TUBA3C: variants seen among roughly 807,000 people sequenced by gnomAD.
The protein encoded by TUBA3C is tubulin alpha-3C chain.
Under a neutral mutation model 33.4 loss-of-function variants are expected in TUBA3C, and 23 were observed. The observed-to-expected ratio is 0.69, with a 90% confidence interval of 0.50 to 0.98. The LOEUF (loss-of-function observed/expected upper bound fraction) is 0.98. Ranked by LOEUF, TUBA3C falls within the 50% of genes least tolerant of loss-of-function variation. The pLI, the probability that TUBA3C is intolerant of heterozygous loss-of-function variation, is 0.00. For synonymous variants in TUBA3C, 269 were observed against 250.4 expected (o/e 1.07, Z -0.70); for missense variants, 402 against 616.0 (o/e 0.65, Z 3.68).
chr13:19,178,251 TGCGGATCC>T lies in TUBA3C; in HGVS notation c.362_369del (p.Arg121GlnfsTer76). Reference sequence around the variant, plus strand: ...ATGAAGCCTTCTCTTCTTACCAGTTTGCGGATCCGGTCCAGGACCAGGTCGACGATCTC... The same window carrying T: ...ATGAAGCCTTCTCTTCTTACCAGTTTGGTCCAGGACCAGGTCGACGATCTC... On this transcript the variant is annotated frameshift_variant, in exon 3 of 5. Coordinates refer to ENST00000400113, the MANE Select transcript of TUBA3C (RefSeq NM_006001.3). LOFTEE classifies it high-confidence loss of function. The T allele has an allele frequency of 2.5e-6, 4 of 1,614,168 alleles. No individual in the cohort carries two copies. The highest frequency in any genetic ancestry group is 3.4e-6 in the Non-Finnish European group (4 of 1,180,010).
At chr13:19,179,308 A>C in intron 2 of TUBA3C, 33 bp downstream of exon 2, 2 of 1,612,538 alleles carry the variant, frequency 1.2e-6, no homozygotes, top group South Asian at 1.1e-5. Flanking sequence ...CCACCCTCCT[A>C]AGAAAGCTGC....
At chr13:19,179,247 C>T in intron 2 of TUBA3C, 94 bp downstream of exon 2, 1 of 1,548,834 alleles carries the variant, frequency 6.5e-7, no homozygotes, top group Non-Finnish European at 8.7e-7. Context: ...CTCATACCTT[C>T]TGCAGGAGGA....
Position 19,177,675 on chromosome 13 carries a change from G to A in TUBA3C, c.376-68C>T, listed in dbSNP as rs894955197. 16 of 1,513,324 alleles carry A rather than the reference G, an allele frequency of 1.1e-5. No homozygotes were observed. In the Admixed American group the frequency reaches 1.1e-4, roughly 11 times the overall value. 93.7% of individuals were successfully genotyped at this position (1,513,324 alleles called of 1,614,324 possible). ...ACACCACCAACCTCCACCAAGCCAG[G>A]GCCACTTCTCTGCCTCTGAAGACTT... On this transcript the variant is annotated intron_variant, in intron 3 of 4. Transcript: ENST00000400113. The surrounding 1 kb of genome is among the most constrained non-coding windows in gnomAD (Gnocchi z 5.0).
chr13:19,180,053 C>T (rs539325654), intron 1 of TUBA3C, among the ~76,000 whole-genome samples: 1 of 152,280 alleles, frequency 6.6e-6, no homozygotes, highest in South Asian at 2.1e-4. Flanking sequence ...CACCACCCGC[C>T]CTGTGCTCTC....
chr13:19,178,999 A>G (rs1869301084), intron 2 of TUBA3C, among the ~76,000 whole-genome samples: 1 of 152,172 alleles, frequency 6.6e-6, no homozygotes, highest in Admixed American at 6.5e-5. Flanking sequence ...ACTCTCTTGC[A>G]CCAGCATAAG....
chr13:19,175,805 G>C (rs1260928308), intron 4 of TUBA3C, among the ~76,000 whole-genome samples: 1 of 152,168 alleles, frequency 6.6e-6, no homozygotes, highest in Admixed American at 6.5e-5. Context: ...GTGCAGTGGA[G>C]TGATATCTTC....
Position 19,173,921 on chromosome 13 carries a change from T to A in TUBA3C, c.1295A>T (p.Tyr432Phe). 6.2e-7 allele frequency: 1 copy of A among 1,614,072 alleles called. No individual in the cohort carries two copies. Among genetic ancestry groups the A allele is most frequent in the Non-Finnish European group, 8.5e-7 (1 of 1,179,984 alleles). ...CACGGAATCCACGCCCACCTCTTCA[T>A]AATCCTTCTCCAGAGCTGCCAGGTC... ...REDLAALEKD[Y>F]EEVGVDSVEA... Residue 432 changes from tyrosine (Y) to phenylalanine (F), a missense_variant, in exon 5 of 5, where the codon TAT becomes TTT. Tyr to Phe is a conservative substitution (Grantham distance 22, BLOSUM62 3). Transcript: ENST00000400113.
chr13:19,176,872 C>G (rs894544310), intron 4 of TUBA3C, 55 bp downstream of exon 4: 1 of 1,576,352 alleles, frequency 6.3e-7, no homozygotes, highest in Admixed American at 1.7e-5. Context: ...CAGCATTACT[C>G]TGTGTGTCTG....
At chr13:19,179,273 A>T in intron 2 of TUBA3C, 68 bp downstream of exon 2, 1 of 1,597,106 alleles carries the variant, frequency 6.3e-7, no homozygotes, top group Non-Finnish European at 8.5e-7. Flanking sequence ...AGGAGCCCAC[A>T]TGGGGCCTTA....
At chr13:19,175,930 C>T (rs1317734558) in intron 4 of TUBA3C, among the ~76,000 whole-genome samples, 1 of 152,064 alleles carries the variant, frequency 6.6e-6, no homozygotes, top group Admixed American at 6.6e-5. Flanking sequence ...TTTTAGTAGA[C>T]ACGGGATTTT....
At chr13:19,179,589 C>A in intron 1 of TUBA3C, 26 bp from the exon 2 acceptor site, 2 of 1,602,986 alleles carry the variant, frequency 1.2e-6, no homozygotes, top group Admixed American at 1.7e-5. Flanking sequence ...TAAATGTAGA[C>A]CCATTCATTT....
intron 4 of TUBA3C, among the ~76,000 whole-genome samples, 175 bp downstream of exon 4, chr13:19,176,752 A>AAAAAAAAAAAAAAAAAC (rs1869195276): frequency 1.4e-5 from 2 of 140,374 alleles, no homozygotes; most frequent in African/African-American, 2.8e-5. Flanking sequence ...AAAAAAAAAA[A>AAAAAAAAAAAAAAAAAC]AAAAAAAGAC....
rs373509437 is a variant in TUBA3C at position 19,177,260 on chromosome 13, G to A, written c.723C>T (p.Ser241=). The A allele has an allele frequency of 4.6e-5, 75 of 1,614,044 alleles. No homozygotes were observed. Among genetic ancestry groups the A allele is most frequent in the Middle Eastern group, 3.3e-4 (2 of 6,068 alleles). The change falls in exon 4 of 5, where the codon TCC becomes TCT. Residue 241 remains serine, a synonymous_variant. Coordinates refer to ENST00000400113, the MANE Select transcript of TUBA3C (RefSeq NM_006001.3). The surrounding 1 kb of genome is among the most constrained non-coding windows in gnomAD (Gnocchi z 5.0). ...CATTCAGGGCCCCGTCAAATCGCAG[G>A]GAGGCCGTGATGGAGGACACGATCT... ...IGQIVSSITA[S]LRFDGALNVD...
At chr13:19,178,060 T>A (rs947773005) in intron 3 of TUBA3C, among the ~76,000 whole-genome samples, 186 bp downstream of exon 3, 6 of 152,168 alleles carry the variant, frequency 3.9e-5, no homozygotes, top group Non-Finnish European at 7.3e-5. Flanking sequence ...TTGGCCAGGC[T>A]GGTCTCAAAC....
Position 19,180,508 on chromosome 13 carries a change from A to AT in TUBA3C, c.4-946dup, listed in dbSNP as rs34884126. ...CCAGCCTGGGCAACTATGAAAAAAA[A>AT]TTTTTTTTTTTTAAACAGAGTCTTG... On this transcript the variant is annotated intron_variant, in intron 1 of 4. Coordinates refer to ENST00000400113, the MANE Select transcript of TUBA3C (RefSeq NM_006001.3). Among the ~76,000 whole-genome samples, 1,114 of 150,332 alleles carry AT rather than the reference A, an allele frequency of 7.4e-3. 12 individuals carry two copies. The highest frequency in any genetic ancestry group is 0.025 in the African/African-American group (1,011 of 40,924).
chr13:19,180,765 G>T (rs954473805), intron 1 of TUBA3C, among the ~76,000 whole-genome samples: 8 of 151,044 alleles, frequency 5.3e-5, no homozygotes, highest in Non-Finnish European at 8.8e-5. Context: ...AAAGTGCTGG[G>T]ATTACAGGCG....
chr13:19,179,395 C>T lies in TUBA3C; in HGVS notation c.172G>A (p.Ala58Thr). The T allele has an allele frequency of 6.2e-7, 1 of 1,614,008 alleles. No individual in the cohort carries two copies. Among genetic ancestry groups the T allele is most frequent in the Non-Finnish European group, 8.5e-7 (1 of 1,179,902 alleles). ...SFNTFFSETG[A>T]GKHVPRAVFV... ...ACTGCTCTGGGCACGTGCTTGCCAG[C>T]TCCAGTCTCACTGAAGAACGTGTTG... is the stretch of plus-strand genomic sequence containing the variant. The change falls in exon 2 of 5, where the codon GCT becomes ACT. Residue 58 changes from alanine (A) to threonine (T), a missense_variant. Coordinates refer to ENST00000400113, the MANE Select transcript of TUBA3C (RefSeq NM_006001.3).
chr13:19,176,859 G>T (rs1372031754), intron 4 of TUBA3C, 68 bp downstream of exon 4: 27 of 1,560,316 alleles, frequency 1.7e-5, no homozygotes, highest in Non-Finnish European at 2.3e-5. Flanking sequence ...GGGCCTTCAG[G>T]GGCAGCATTA....
intron 1 of TUBA3C, 95 bp downstream of exon 1, chr13:19,181,650 C>T: frequency 6.4e-7 from 1 of 1,568,018 alleles, no homozygotes; most frequent in East Asian, 2.2e-5. Context: ...GCACCCTGGC[C>T]CGCAACAGCA....
Sources: gnomAD v4.1 joint callset for allele counts (sites outside exome capture counted in the v4.1 genomes callset) on GRCh38, gnomAD v4.1.1 for gene constraint, Gnocchi (gnomAD v3.1) non-coding constraint, MANE v1.5 for transcripts, NCBI Gene and HGNC (gene_info 2026-07-23, HGNC 2026-07-21) for gene names.